The following ASTN2 variants were observed in gnomAD, a reference collection of about 807,000 sequenced individuals.
ASTN2 encodes astrotactin 2.
ASTN2 carries 54 observed loss-of-function variants against 139.8 expected under a neutral mutation model. The ratio of observed to expected loss-of-function variants is 0.39; its 90% CI spans 0.31 to 0.48. The LOEUF (loss-of-function observed/expected upper bound fraction) is 0.48. ASTN2 is among the 20% of genes least tolerant of loss of function. The probability of loss-of-function intolerance (pLI) is 0.95; values close to 1 mark genes in which losing one functional copy is unlikely to be tolerated. For missense variants in ASTN2, 1,565 were observed against 1,725.1 expected (o/e 0.91, Z 1.64); for synonymous variants, 756 against 719.5 (o/e 1.05, Z -0.81).
At chr9:116,578,055 C>G (rs1483878075) in intron 19 of ASTN2, among the ~76,000 whole-genome samples, 1 of 152,056 alleles carries the variant, frequency 6.6e-6, no homozygotes, top group African/African-American at 2.4e-5. Flanking sequence ...TTATGAAGGG[C>G]TTTAGGATCC....
At chr9:116,888,886 C>T (rs533097436) in intron 10 of ASTN2, among the ~76,000 whole-genome samples, 1 of 152,192 alleles carries the variant, frequency 6.6e-6, no homozygotes, top group East Asian at 1.9e-4. Context: ...CAGTGTTGTT[C>T]CTCTCCCTGT....
At chr9:116,749,089 G>T (rs1394216579) in intron 13 of ASTN2, among the ~76,000 whole-genome samples, 1 of 151,822 alleles carries the variant, frequency 6.6e-6, no homozygotes, top group African/African-American at 2.4e-5. Context: ...CTGGACCTTT[G>T]TTTCCTCATC....
intron 16 of ASTN2, among the ~76,000 whole-genome samples, chr9:116,715,462 T>G (rs1828286901): frequency 6.6e-6 from 1 of 152,132 alleles, no homozygotes; most frequent in Non-Finnish European, 1.5e-5. Flanking sequence ...GCGTGGAGTC[T>G]CCTTCCTCCC....
intron 11 of ASTN2, among the ~76,000 whole-genome samples, chr9:116,838,275 A>T (rs1832076875): frequency 6.6e-6 from 1 of 151,500 alleles, no homozygotes; most frequent in Non-Finnish European, 1.5e-5. Context: ...ACGCCTGGCT[A>T]ATTCTGTATT....
chr9:116,896,219 G>A (rs958978526), intron 10 of ASTN2, among the ~76,000 whole-genome samples: 13 of 152,228 alleles, frequency 8.5e-5, no homozygotes, highest in Non-Finnish European at 1.8e-4. Context: ...GGAAGCAAGT[G>A]AGGGACTGAG....
intron 20 of ASTN2, among the ~76,000 whole-genome samples, chr9:116,452,125 T>C (rs753176670): frequency 6.6e-6 from 1 of 152,338 alleles, no homozygotes; most frequent in South Asian, 2.1e-4. Flanking sequence ...ACTAACCTTA[T>C]GGTCTCAAGT....
intron 2 of ASTN2, among the ~76,000 whole-genome samples, chr9:117,277,538 A>G (rs1834223364): frequency 6.6e-6 from 1 of 152,242 alleles, no homozygotes; most frequent in Non-Finnish European, 1.5e-5. Context: ...AAAATTAAAA[A>G]TGGAACTACC....
intron 16 of ASTN2, among the ~76,000 whole-genome samples, chr9:116,709,643 C>T (rs1828089639): frequency 6.6e-6 from 1 of 152,188 alleles, no homozygotes; most frequent in Admixed American, 6.5e-5. Context: ...AACTCTGTGA[C>T]TCTCTTGCCT....
chr9:117,390,375 T>C (rs1011120742), intron 1 of ASTN2, among the ~76,000 whole-genome samples: 1 of 152,200 alleles, frequency 6.6e-6, no homozygotes, highest in Admixed American at 6.5e-5. Flanking sequence ...TGGTTTACAT[T>C]AGGGTTCAGT....
At chr9:117,402,603 G>A (rs1250070402) in intron 1 of ASTN2, among the ~76,000 whole-genome samples, 2 of 152,094 alleles carry the variant, frequency 1.3e-5, no homozygotes, top group South Asian at 2.1e-4. Context: ...AATAAAGGAC[G>A]CTCAGTTCAC....
At chr9:116,778,672 T>A (rs1282461383) in intron 13 of ASTN2, among the ~76,000 whole-genome samples, 1 of 152,186 alleles carries the variant, frequency 6.6e-6, no homozygotes, top group Non-Finnish European at 1.5e-5. Flanking sequence ...AGTGCACCCA[T>A]CCTTGTCAAA....
intron 1 of ASTN2, among the ~76,000 whole-genome samples, chr9:117,298,377 G>C (rs1305881681): frequency 6.6e-6 from 1 of 152,148 alleles, no homozygotes; most frequent in East Asian, 1.9e-4. Context: ...AGGGTCTGGA[G>C]ACCAACTGCT....
intron 11 of ASTN2, among the ~76,000 whole-genome samples, chr9:116,828,034 C>T (rs150660984): frequency 0.011 from 1,676 of 152,272 alleles, 16 homozygotes; most frequent in Non-Finnish European, 0.018. Flanking sequence ...CAGTGGCTCA[C>T]GCCTGTAAGC....
chr9:116,510,591 G>A (rs1365759037), intron 19 of ASTN2, among the ~76,000 whole-genome samples: 1 of 152,162 alleles, frequency 6.6e-6, no homozygotes, highest in African/African-American at 2.4e-5. Context: ...GTTACCTTGG[G>A]CAGTATGGCC....
chr9:116,585,116 G>A (rs928604999), intron 19 of ASTN2: 5 of 152,102 alleles, frequency 3.3e-5, no homozygotes, highest in Non-Finnish European at 7.4e-5. Flanking sequence ...AGACTGACCT[G>A]GTTTTATATA....
In ASTN2 at chr9:116,742,425, T is replaced by C. The variant is rs372381443; in HGVS notation, c.2397-8902A>G. 7.2e-5 allele frequency among the ~76,000 whole-genome samples: 11 copies of C among 152,176 alleles called. No individual in the cohort carries two copies. In the South Asian group the frequency reaches 1.2e-3, roughly 17 times the overall value. ...AAGAGGAAAGTCAAGTGGCTGAGAG[T>C]TCAGATGGGAGTGCCTCAGTGACCC... is the stretch of plus-strand genomic sequence containing the variant. On this transcript the variant is annotated intron_variant, in intron 13 of 22. Coordinates refer to ENST00000313400, the MANE Select transcript of ASTN2 (RefSeq NM_001365068.1).
chr9:116,912,317 T>C (rs951748153), intron 10 of ASTN2, among the ~76,000 whole-genome samples: 2 of 152,192 alleles, frequency 1.3e-5, no homozygotes, highest in Admixed American at 6.5e-5. Flanking sequence ...ACCCATAATA[T>C]CTCTTTCCTA....
intron 3 of ASTN2, among the ~76,000 whole-genome samples, chr9:117,150,525 G>A (rs1489265455): frequency 6.6e-6 from 1 of 152,118 alleles, no homozygotes; most frequent in Admixed American, 6.5e-5. Flanking sequence ...AGGAAGCGAA[G>A]GCTTTGAAAT....
intron 19 of ASTN2, among the ~76,000 whole-genome samples, chr9:116,554,905 G>A (rs1435533035): frequency 6.6e-6 from 1 of 152,128 alleles, no homozygotes; most frequent in African/African-American, 2.4e-5. Context: ...AATTGTGAAG[G>A]TGATGCTCAG....
Sources: allele counts gnomAD v4.1 joint callset (sites outside exome capture counted in the v4.1 genomes callset), GRCh38; gene constraint gnomAD v4.1.1; transcripts MANE v1.5; gene names NCBI Gene and HGNC (gene_info 2026-07-23, HGNC 2026-07-21).